SLC25A21: variants seen among roughly 807,000 people sequenced by gnomAD.
SLC25A21 encodes mitochondrial 2-oxodicarboxylate carrier.
In SLC25A21, 47 loss-of-function variants were observed where a neutral mutation model predicts 43.8. That is an observed-to-expected ratio of 1.07 (90% CI 0.85 to 1.37). The LOEUF (loss-of-function observed/expected upper bound fraction) is 1.37, where lower values mean the gene tolerates loss of function less well. SLC25A21 is among the 40% of genes most tolerant of loss of function. The pLI is 0.00. For synonymous variants in SLC25A21, 131 were observed against 121.3 expected (o/e 1.08, Z -0.52); for missense variants, 352 against 350.2 (o/e 1.00, Z -0.04).
At chr14:37,002,605 C>A (rs2138726743) in intron 1 of SLC25A21, among the ~76,000 whole-genome samples, 1 of 152,220 alleles carries the variant, frequency 6.6e-6, no homozygotes, top group East Asian at 1.9e-4. Flanking sequence ...GGAGTACATA[C>A]AGCATAGTAA....
intron 1 of SLC25A21, among the ~76,000 whole-genome samples, chr14:37,014,319 G>C (rs965977293): frequency 6.6e-6 from 1 of 152,126 alleles, no homozygotes; most frequent in African/African-American, 2.4e-5. Context: ...CCCTGCAACT[G>C]ATATGACAAC....
At chr14:37,011,684 G>A (rs916854638) in intron 1 of SLC25A21, among the ~76,000 whole-genome samples, 4 of 152,046 alleles carry the variant, frequency 2.6e-5, no homozygotes, top group South Asian at 2.1e-4. Context: ...GAGTGTATGC[G>A]CCAGGCACTG....
chr14:36,868,598 A>G (rs752868706), intron 2 of SLC25A21, among the ~76,000 whole-genome samples: 30 of 152,204 alleles, frequency 2.0e-4, no homozygotes, highest in Non-Finnish European at 2.6e-4. Context: ...CATCTTTTAA[A>G]ATACAAAGTG....
intron 1 of SLC25A21, among the ~76,000 whole-genome samples, chr14:36,884,281 C>T (rs1304427667): frequency 4.6e-5 from 7 of 152,170 alleles, no homozygotes. Flanking sequence ...ATGACGTCCT[C>T]TGGGTTCATC....
intron 7 of SLC25A21, among the ~76,000 whole-genome samples, chr14:36,685,836 C>A (rs1219373431): frequency 6.6e-6 from 1 of 152,076 alleles, no homozygotes; most frequent in Non-Finnish European, 1.5e-5. Flanking sequence ...AATGAATTTG[C>A]TGGGAAGTTC....
Position 36,679,779 on chromosome 14 carries a change from C to CTGA in SLC25A21, c.*876_*878dup, listed in dbSNP as rs1228255438. ...GAATAAAGGTATTTGGATGCAAATA[C>CTGA]TGATGGCTGACAAATGGGTCCAAAG... is the stretch of plus-strand genomic sequence containing the variant. On this transcript the variant is annotated 3_prime_UTR_variant, in exon 10 of 10. Transcript: ENST00000331299. 11 of 985,118 alleles carry CTGA rather than the reference C, an allele frequency of 1.1e-5. No individual in the cohort carries two copies. Among genetic ancestry groups the CTGA allele is most frequent in the Non-Finnish European group, 1.3e-5 (11 of 829,748 alleles). The allele number at this position is 985,118 out of a possible 1,614,324, so 61.0% of individuals were successfully genotyped here. A position where few individuals can be genotyped will look rare whatever the true frequency, so the allele number is the denominator to read the frequency against.
At chr14:36,799,991 G>A (rs60011756) in intron 3 of SLC25A21, among the ~76,000 whole-genome samples, 36,351 of 152,036 alleles carry the variant, frequency 0.24, 4,486 homozygotes, top group East Asian at 0.3. Flanking sequence ...ATAAAACATT[G>A]AAAGTCATAC....
At chr14:36,959,227 A>T (rs1290992341) in intron 1 of SLC25A21, among the ~76,000 whole-genome samples, 1 of 152,060 alleles carries the variant, frequency 6.6e-6, no homozygotes, top group African/African-American at 2.4e-5. Flanking sequence ...TCCTTCCTTC[A>T]TCCACTCTAC....
At chr14:37,129,845 T>G (rs1447907557) in intron 1 of SLC25A21, among the ~76,000 whole-genome samples, 1 of 151,870 alleles carries the variant, frequency 6.6e-6, no homozygotes, top group East Asian at 1.9e-4. Flanking sequence ...TATTTATATT[T>G]ATCCTATTCT....
chr14:36,815,457 T>A (rs1016087168), intron 2 of SLC25A21, among the ~76,000 whole-genome samples: 7 of 152,304 alleles, frequency 4.6e-5, no homozygotes, highest in African/African-American at 1.4e-4. Flanking sequence ...TGAGGTTGTA[T>A]TACTCTACAG....
intron 1 of SLC25A21, among the ~76,000 whole-genome samples, chr14:37,055,453 T>C (rs1176329030): frequency 1.3e-5 from 2 of 152,188 alleles, no homozygotes. Context: ...CCCTTGAATC[T>C]AGGCTGGATT....
chr14:36,978,675 G>A (rs1396854690), intron 1 of SLC25A21, among the ~76,000 whole-genome samples: 5 of 152,118 alleles, frequency 3.3e-5, no homozygotes, highest in Admixed American at 3.3e-4. Context: ...CATAGTTTTA[G>A]TATGTTCTAA....
chr14:36,894,160 C>T (rs1394974073), intron 1 of SLC25A21, among the ~76,000 whole-genome samples: 4 of 152,148 alleles, frequency 2.6e-5, no homozygotes, highest in South Asian at 2.1e-4. Flanking sequence ...ATTGATTCTT[C>T]CTACCCATAA....
chr14:36,763,661 C>T (rs992172450), intron 3 of SLC25A21, among the ~76,000 whole-genome samples: 2 of 151,838 alleles, frequency 1.3e-5, no homozygotes, highest in African/African-American at 4.8e-5. Flanking sequence ...TGTGGGTGCT[C>T]ATGTAGGAAT....
At chr14:36,790,480 G>T (rs1887446884) in intron 3 of SLC25A21, among the ~76,000 whole-genome samples, 2 of 151,954 alleles carry the variant, frequency 1.3e-5, no homozygotes, top group African/African-American at 4.8e-5. Context: ...TTAGCTCACA[G>T]AAAAAAATAT....
intron 1 of SLC25A21, among the ~76,000 whole-genome samples, chr14:36,971,177 G>A (rs1594727788): frequency 6.6e-6 from 1 of 152,288 alleles, no homozygotes; most frequent in South Asian, 2.1e-4. Flanking sequence ...GGCAGATACT[G>A]AGGGGTAAGG....
chr14:37,169,047 C>T (rs1465897957), intron 1 of SLC25A21, among the ~76,000 whole-genome samples: 1 of 152,126 alleles, frequency 6.6e-6, no homozygotes, highest in African/African-American at 2.4e-5. Context: ...TAGGTTACAG[C>T]TGCAGATCTC....
chr14:36,744,106 A>T (rs1377527846), intron 3 of SLC25A21, among the ~76,000 whole-genome samples: 1 of 152,196 alleles, frequency 6.6e-6, no homozygotes, highest in Non-Finnish European at 1.5e-5. Flanking sequence ...TAAAATGACC[A>T]TACTGCCCAA....
intron 1 of SLC25A21, among the ~76,000 whole-genome samples, chr14:37,067,426 T>C (rs1962082713): frequency 6.6e-6 from 1 of 152,156 alleles, no homozygotes; most frequent in African/African-American, 2.4e-5. Flanking sequence ...TGAGAGACAA[T>C]AACTGCCAAC....
Sources: allele counts gnomAD v4.1 joint callset (sites outside exome capture counted in the v4.1 genomes callset), GRCh38; gene constraint gnomAD v4.1.1; transcripts MANE v1.5; gene names NCBI Gene and HGNC (gene_info 2026-07-23, HGNC 2026-07-21).